TNNT3: variants seen among roughly 807,000 people sequenced by gnomAD.
TNNT3 encodes troponin T, fast skeletal muscle.
TNNT3 carries 36 observed loss-of-function variants against 54.2 expected under a neutral mutation model. The ratio of observed to expected loss-of-function variants is 0.66; its 90% CI spans 0.51 to 0.88. The LOEUF (loss-of-function observed/expected upper bound fraction) is 0.88. Ranked by LOEUF, TNNT3 falls within the 40% of genes least tolerant of loss-of-function variation. The pLI is 0.00. For missense variants in TNNT3, 291 were observed against 331.6 expected, an observed-to-expected ratio of 0.88 and a Z score of 0.95; for synonymous variants, 120 against 109.7, an observed-to-expected ratio of 1.09 and a Z score of -0.59.
intron 1 of TNNT3, among the ~76,000 whole-genome samples, chr11:1,920,282 G>A (rs1849793721): frequency 1.3e-5 from 2 of 152,210 alleles, no homozygotes; most frequent in Non-Finnish European, 1.5e-5. Context: ...AGGGGCTCCT[G>A]TATGGCCAGC....
chr11:1,938,598 C>G lies in TNNT3; in HGVS notation c.*106C>G, dbSNP rs767066569. 1 of 1,217,100 alleles carries G rather than the reference C, an allele frequency of 8.2e-7. No individual in the cohort carries two copies. The highest frequency in any genetic ancestry group is 1.2e-6 in the Non-Finnish European group (1 of 838,636). 75.4% of individuals were successfully genotyped at this position (1,217,100 alleles called of 1,614,324 possible). On this transcript the variant is annotated 3_prime_UTR_variant, in exon 16 of 16. Coordinates refer to ENST00000278317, the MANE Select transcript of TNNT3 (RefSeq NM_006757.4). ...AGCCCCCACAATCCTGTCAGGGGCT[C>G]CCTGACAGTCCTGGGGGTGGAGAGG...
At chr11:1,922,430 C>G (rs1252374029) in intron 1 of TNNT3, among the ~76,000 whole-genome samples, 1 of 152,204 alleles carries the variant, frequency 6.6e-6, no homozygotes, top group African/African-American at 2.4e-5. Context: ...AGAGAACACC[C>G]AGAGACAGGT....
chr11:1,936,348 A>T, intron 14 of TNNT3: 1 of 1,427,652 alleles, frequency 7.0e-7, no homozygotes, highest in Non-Finnish European at 9.8e-7. Flanking sequence ...ATCGCTCAGG[A>T]TGCTGGCGGC....
At chr11:1,936,717 G>C (rs1405341858) in intron 14 of TNNT3, among the ~76,000 whole-genome samples, 1 of 152,226 alleles carries the variant, frequency 6.6e-6, no homozygotes, top group East Asian at 1.9e-4. Flanking sequence ...ACGGGCTGCT[G>C]TGTGTGGCAG....
intron 6 of TNNT3, among the ~76,000 whole-genome samples, chr11:1,928,422 T>G (rs939288713): frequency 2.6e-5 from 4 of 151,966 alleles, no homozygotes; most frequent in African/African-American, 7.3e-5. Flanking sequence ...AGCAGGGGGG[T>G]CCCAGAGGGG....
At chr11:1,925,496 C>G in intron 5 of TNNT3, 1 of 626,234 alleles carries the variant, frequency 1.6e-6, no homozygotes, top group Non-Finnish European at 2.8e-6. Flanking sequence ...CACAGCCCCC[C>G]AGGCAGTAGG....
chr11:1,933,575 C>A, intron 9 of TNNT3, 146 bp from the exon 10 acceptor site: 1 of 712,834 alleles, frequency 1.4e-6, no homozygotes, highest in Non-Finnish European at 2.6e-6. Context: ...CAAAACATTC[C>A]TTGCCACTTG....
At chr11:1,923,841 G>A (rs868582873) in intron 4 of TNNT3, among the ~76,000 whole-genome samples, 4 of 151,902 alleles carry the variant, frequency 2.6e-5, no homozygotes, top group African/African-American at 4.8e-5. Context: ...ATGCATTCAC[G>A]ATCCTTCATT....
Position 1,938,631 on chromosome 11 carries a change from G to T in TNNT3, c.*139G>T. Reference sequence around the variant, plus strand: ...GTCCTGGGGGTGGAGAGGCCATCCCGGGGCGTCCCCCGCGTCTGTGTCCTT... The same window carrying T: ...GTCCTGGGGGTGGAGAGGCCATCCCTGGGCGTCCCCCGCGTCTGTGTCCTT... On this transcript the variant is annotated 3_prime_UTR_variant, in exon 16 of 16. Transcript: ENST00000278317. 1.1e-6 allele frequency: 1 copy of T among 876,376 alleles called. No individual in the cohort carries two copies. The highest frequency in any genetic ancestry group is 1.9e-6 in the Non-Finnish European group (1 of 532,924). The allele number at this position is 876,376 out of a possible 1,614,324, so 54.3% of individuals were successfully genotyped here. A position where few individuals can be genotyped will look rare whatever the true frequency, so the allele number is the denominator to read the frequency against.
At chr11:1,929,720 G>A in intron 7 of TNNT3, 90 bp from the exon 8 acceptor site, 2 of 1,452,300 alleles carry the variant, frequency 1.4e-6, no homozygotes, top group South Asian at 2.4e-5. Flanking sequence ...GGGAACCCAG[G>A]GCCGCAGGCC....
At chr11:1,930,414 T>C (rs1853035977) in intron 8 of TNNT3, among the ~76,000 whole-genome samples, 1 of 152,100 alleles carries the variant, frequency 6.6e-6, no homozygotes, top group Non-Finnish European at 1.5e-5. Context: ...ACCTTGACCG[T>C]GTCCAGAAGA....
In TNNT3 at chr11:1,920,024, C is replaced by T. The variant is rs555869558; in HGVS notation, c.-19+262C>T. ...CAGAAGAAGGCAGAGTGTGGGAGGC[C>T]AGGAGGGGGCAAGTCGGGGCTCAGG... On this transcript the variant is annotated intron_variant, in intron 1 of 15. Coordinates refer to ENST00000278317, the MANE Select transcript of TNNT3 (RefSeq NM_006757.4). 8.1e-4 allele frequency among the ~76,000 whole-genome samples: 123 copies of T among 152,216 alleles called. 4 individuals carry two copies. The South Asian group carries it at 0.025, about 31-fold the overall frequency.
intron 9 of TNNT3, 76 bp from the exon 10 acceptor site, chr11:1,933,645 C>T: frequency 8.4e-7 from 1 of 1,184,792 alleles, no homozygotes; most frequent in Non-Finnish European, 1.3e-6. Context: ...GAAGGGACCT[C>T]TTGCTGCAAG....
At chr11:1,920,127 C>A (rs1219383842) in intron 1 of TNNT3, among the ~76,000 whole-genome samples, 1 of 152,128 alleles carries the variant, frequency 6.6e-6, no homozygotes, top group Admixed American at 6.5e-5. Flanking sequence ...AGAGGCTGTG[C>A]AGGGGTGCTG....
intron 1 of TNNT3, among the ~76,000 whole-genome samples, chr11:1,922,294 C>A (rs1007894339): frequency 6.6e-6 from 1 of 152,098 alleles, no homozygotes; most frequent in Non-Finnish European, 1.5e-5. Flanking sequence ...CAGAAGGGAG[C>A]TTTGGGCTCA....
intron 15 of TNNT3, 106 bp downstream of exon 15, chr11:1,937,109 G>T: frequency 7.8e-7 from 1 of 1,280,238 alleles, no homozygotes; most frequent in South Asian, 1.3e-5. Flanking sequence ...CCTCGGCAGG[G>T]CAGTAACGAG....
rs1564825546 is a variant in TNNT3 at position 1,933,811 on chromosome 11, G to A, written c.262G>A (p.Glu88Lys). 1.2e-6 allele frequency: 2 copies of A among 1,612,836 alleles called. No individual in the cohort carries two copies. The highest frequency in any genetic ancestry group is 1.7e-6 in the Non-Finnish European group (2 of 1,179,892). Residue 88 changes from glutamate to lysine, a missense_variant, in exon 10 of 16, where the codon GAG becomes AAG. Glu to Lys is a moderately conservative substitution (Grantham distance 56, BLOSUM62 1). Coordinates refer to ENST00000278317, the MANE Select transcript of TNNT3 (RefSeq NM_006757.4). Reference protein sequence around the residue: ...HFEARKKEEEELVALKERIEK... With the variant: ...HFEARKKEEEKLVALKERIEK... The stretch of plus-strand genomic sequence containing the variant: ...TGAAGCCCGGAAGAAGGAGGAGGAG[G>A]AGCTGGTCGCTCTCAAAGAGAGAAT...
intron 14 of TNNT3, chr11:1,936,138 A>T: frequency 6.4e-7 from 1 of 1,561,534 alleles, no homozygotes; most frequent in Non-Finnish European, 8.8e-7. Flanking sequence ...GGCCATCACC[A>T]GGCCAAGCTA....
intron 6 of TNNT3, chr11:1,927,820 AC>A (rs1852053416): frequency 6.6e-6 from 1 of 152,334 alleles, no homozygotes; most frequent in Non-Finnish European, 1.5e-5. Context: ...GTCCAGCAAA[AC>A]CACTAAGTCA....
Sources: allele counts gnomAD v4.1 joint callset (sites outside exome capture counted in the v4.1 genomes callset), GRCh38; gene constraint gnomAD v4.1.1; transcripts MANE v1.5; gene names NCBI Gene and HGNC (gene_info 2026-07-23, HGNC 2026-07-21).